The following GPC3 variants were observed in gnomAD, a reference collection of about 807,000 sequenced individuals.
The protein encoded by GPC3 is glypican 3, also known as glypican-3.
A neutral mutation model predicts 34.4 loss-of-function variants in GPC3; 3 were observed. The observed-to-expected ratio is 0.09, with a 90% CI of 0.04 to 0.23. The LOEUF (loss-of-function observed/expected upper bound fraction) is 0.23, where lower values mean the gene tolerates loss of function less well. Ranked by LOEUF, GPC3 falls within the 10% of genes least tolerant of loss-of-function variation. The pLI, the probability that GPC3 is intolerant of heterozygous loss-of-function variation, is 1.00. For missense variants in GPC3, 351 were observed against 445.6 expected, an observed-to-expected ratio of 0.79 and a Z score of 1.91; for synonymous variants, 177 against 174.0, an observed-to-expected ratio of 1.02 and a Z score of -0.13.
At chrX:133,952,943 A>G (rs920079439) in intron 2 of GPC3, 107 bp downstream of exon 2, 1 of 741,711 alleles carries the variant, frequency 1.3e-6, no homozygotes, top group Admixed American at 2.3e-5. Flanking sequence ...AATAGCAAGC[A>G]TTAATGCTGG....
At chrX:133,552,021 A>G (rs2069438152) in intron 7 of GPC3, among the ~76,000 whole-genome samples, 1 of 112,752 alleles carries the variant, frequency 8.9e-6, no homozygotes, top group African/African-American at 3.2e-5. Flanking sequence ...TTCTAATAAC[A>G]CAATCTGAAA....
At chrX:133,579,355 A>G (rs771424480) in intron 7 of GPC3, among the ~76,000 whole-genome samples, 20 of 111,823 alleles carry the variant, frequency 1.8e-4, no homozygotes, top group Non-Finnish European at 3.4e-4. Context: ...ATGGGCAGGT[A>G]CTTTGCTTAT....
chrX:133,650,462 CA>C (rs1227552343), intron 6 of GPC3, among the ~76,000 whole-genome samples: 37 of 105,873 alleles, frequency 3.5e-4, no homozygotes, highest in South Asian at 1.3e-3. Context: ...CCCACCCACA[CA>C]CACACACACA....
At chrX:133,838,282 A>C (rs1008408599) in intron 2 of GPC3, among the ~76,000 whole-genome samples, 2 of 112,182 alleles carry the variant, frequency 1.8e-5, no homozygotes, top group African/African-American at 6.5e-5. Context: ...ACCAATCCTC[A>C]TCTCCCTTTT....
chrX:133,805,829 G>A (rs191054081), intron 2 of GPC3, among the ~76,000 whole-genome samples: 5 of 111,787 alleles, frequency 4.5e-5, no homozygotes, highest in South Asian at 3.8e-4. Flanking sequence ...CATCATCATC[G>A]TCAAGTACCT....
intron 1 of GPC3, among the ~76,000 whole-genome samples, chrX:133,976,935 A>AAATC (rs1482929925): frequency 1.3e-4 from 14 of 104,189 alleles, no homozygotes; most frequent in Non-Finnish European, 2.4e-4. Flanking sequence ...GATAATAAAT[A>AAATC]AATAAATAAA....
At chrX:133,962,000 G>A (rs2076443550) in intron 1 of GPC3, among the ~76,000 whole-genome samples, 1 of 111,943 alleles carries the variant, frequency 8.9e-6, no homozygotes, top group African/African-American at 3.2e-5. Flanking sequence ...ATGGAGTAAG[G>A]GCACAGGGGT....
intron 6 of GPC3, among the ~76,000 whole-genome samples, chrX:133,631,569 T>C (rs775875775): frequency 2.7e-5 from 3 of 112,186 alleles, no homozygotes; most frequent in Non-Finnish European, 5.6e-5. Context: ...GCTATGAACA[T>C]GAGTGTTCAA....
intron 3 of GPC3, among the ~76,000 whole-genome samples, chrX:133,751,340 C>A (rs1319521775): frequency 1.8e-5 from 2 of 111,570 alleles, no homozygotes; most frequent in Admixed American, 1.9e-4. Flanking sequence ...CATATGAATG[C>A]ATTTACTTTT....
chrX:133,704,721 C>A (rs1481823823), intron 3 of GPC3, among the ~76,000 whole-genome samples: 1 of 110,387 alleles, frequency 9.1e-6, no homozygotes, highest in African/African-American at 3.3e-5. Flanking sequence ...GGTTTTATGA[C>A]CTGCTTCATG....
At position 133,657,584 on chromosome X, in the gene GPC3, G is replaced by A. The variant is rs2070675586; in HGVS notation, c.1413+4146C>T. ...AAAAGGTCCTCATTTCTGATCGTGGGAATGTTACACATGAACTCTGCCTTG... is the reference window on the plus strand; with the variant it reads ...AAAAGGTCCTCATTTCTGATCGTGGAAATGTTACACATGAACTCTGCCTTG... On this transcript the variant is annotated intron_variant, in intron 6 of 7. Coordinates refer to ENST00000370818, the MANE Select transcript of GPC3 (RefSeq NM_004484.4). 4.5e-5 allele frequency among the ~76,000 whole-genome samples: 5 copies of A among 111,465 alleles called. No homozygotes were observed. In the South Asian group the frequency reaches 1.9e-3, roughly 43 times the overall value.
chrX:133,905,844 G>T (rs2076165573), intron 2 of GPC3, among the ~76,000 whole-genome samples: 1 of 111,545 alleles, frequency 9.0e-6, no homozygotes, highest in African/African-American at 3.3e-5. Context: ...AGAGAAAAAA[G>T]GCAAAAAGTA....
At chrX:133,839,638 A>C (rs1216895442) in intron 2 of GPC3, among the ~76,000 whole-genome samples, 1 of 111,085 alleles carries the variant, frequency 9.0e-6, no homozygotes, top group Non-Finnish European at 1.9e-5. Flanking sequence ...CATTTAAGAT[A>C]TCTCAGAACA....
intron 6 of GPC3, among the ~76,000 whole-genome samples, chrX:133,644,783 T>C (rs910563084): frequency 1.8e-5 from 2 of 110,088 alleles, no homozygotes; most frequent in Non-Finnish European, 3.8e-5. Flanking sequence ...TTCTTCTCTC[T>C]TTTTTTTTGT....
At chrX:133,823,128 C>CAAAAAAAAAA (rs34231185) in intron 2 of GPC3, among the ~76,000 whole-genome samples, 1 of 18,869 alleles carries the variant, frequency 5.3e-5, no homozygotes, top group Admixed American at 1.1e-3. Context: ...GACTCCGTCT[C>CAAAAAAAAAA]AAAAAAAAAA....
At chrX:133,735,223 G>C (rs890477764) in intron 3 of GPC3, among the ~76,000 whole-genome samples, 16 of 111,641 alleles carry the variant, frequency 1.4e-4, no homozygotes, top group Non-Finnish European at 2.8e-4. Flanking sequence ...TTGCTACAAA[G>C]TATTCAAAGC....
intron 2 of GPC3, among the ~76,000 whole-genome samples, chrX:133,864,746 A>G (rs1036970484): frequency 8.9e-6 from 1 of 112,966 alleles, no homozygotes; most frequent in Non-Finnish European, 1.9e-5. Context: ...TGTTGTTGAA[A>G]ACATTTCATT....
At chrX:133,634,404 C>T (rs755671660) in intron 6 of GPC3, among the ~76,000 whole-genome samples, 3 of 112,267 alleles carry the variant, frequency 2.7e-5, no homozygotes, top group Non-Finnish European at 5.6e-5. Flanking sequence ...ATTATTCATA[C>T]ATTCCAAATC....
In GPC3 at chrX:133,692,446, C is replaced by G. The variant is rs2071073900; in HGVS notation, c.1215G>C (p.Leu405Phe). ...LKSFISFYSA[L>F]PGYICSHSPV... Reference sequence around the variant, plus strand: ...GGCTATGGCTGCAGATGTAGCCAGGCAAAGCACTATAGAAGCTGATGAAAG... The same window carrying G: ...GGCTATGGCTGCAGATGTAGCCAGGGAAAGCACTATAGAAGCTGATGAAAG... The change falls in exon 5 of 8, where the codon TTG becomes TTC. Residue 405 changes from leucine (L) to phenylalanine (F), a missense_variant. By Grantham distance (22) the Leu-to-Phe change is conservative. Coordinates refer to ENST00000370818, the MANE Select transcript of GPC3 (RefSeq NM_004484.4). The G allele has an allele frequency of 8.3e-7, 1 of 1,202,834 alleles. No homozygotes were observed. The highest frequency in any genetic ancestry group is 1.7e-5 in the African/African-American group (1 of 57,299).
Sources: gnomAD v4.1 joint callset for allele counts (sites outside exome capture counted in the v4.1 genomes callset) on GRCh38, gnomAD v4.1.1 for gene constraint, MANE v1.5 for transcripts, NCBI Gene and HGNC (gene_info 2026-07-23, HGNC 2026-07-21) for gene names.